STAT5A: variants seen among roughly 807,000 people sequenced by gnomAD.
The protein encoded by STAT5A is signal transducer and activator of transcription 5A.
In STAT5A, 26 loss-of-function variants were observed where a neutral mutation model predicts 100.2. That is an observed-to-expected ratio of 0.26 (90% CI 0.19 to 0.36). The LOEUF (loss-of-function observed/expected upper bound fraction) is 0.36. Ranked by LOEUF, STAT5A falls within the 10% of genes least tolerant of loss-of-function variation. The probability of loss-of-function intolerance (pLI) is 1.00; values close to 1 mark genes in which losing one functional copy is unlikely to be tolerated. For synonymous variants in STAT5A, 330 were observed against 424.3 expected (o/e 0.78, Z 2.73); for missense variants, 634 against 1,027.5 (o/e 0.62, Z 5.24).
chr17:42,294,110 G>A (rs918285342), intron 4 of STAT5A, among the ~76,000 whole-genome samples: 6 of 152,086 alleles, frequency 3.9e-5, no homozygotes, highest in Non-Finnish European at 8.8e-5. Context: ...TAGCTACTCG[G>A]GCGGCTGAGG....
At chr17:42,298,066 T>G (rs902717912) in intron 5 of STAT5A, among the ~76,000 whole-genome samples, 3 of 151,706 alleles carry the variant, frequency 2.0e-5, no homozygotes, top group African/African-American at 4.9e-5. Context: ...CCTGCGGTGG[T>G]GGTTGTAACT....
intron 9 of STAT5A, among the ~76,000 whole-genome samples, chr17:42,301,992 C>T (rs1451564305): frequency 3.3e-5 from 5 of 152,174 alleles, no homozygotes; most frequent in African/African-American, 1.2e-4. Context: ...GGGAGACCCT[C>T]ATCGCTACAA....
intron 9 of STAT5A, among the ~76,000 whole-genome samples, chr17:42,302,319 G>T (rs2080988330): frequency 6.6e-6 from 1 of 152,226 alleles, no homozygotes; most frequent in African/African-American, 2.4e-5. Context: ...AATGCCTGAT[G>T]GTGTAGCCAT....
At position 42,304,343 on chromosome 17, in the gene STAT5A, G is replaced by A. The variant is rs763602853; in HGVS notation, c.1171G>A (p.Glu391Lys). Residue 391 changes from glutamate (E) to lysine (K), a missense_variant and splice_region_variant, in exon 10 of 19, where the codon GAG becomes AAG. By Grantham distance (56) the Glu-to-Lys change is moderately conservative. Coordinates refer to ENST00000590949, the MANE Select transcript of STAT5A (RefSeq NM_001288718.2). The surrounding 1 kb of genome is among the most constrained non-coding windows in gnomAD (Gnocchi z 4.8). The stretch of plus-strand genomic sequence containing the variant: ...CTGGGACCCCCCTCTCCTTTGCAGC[G>A]AGTGCAGTGGTGAGATCCTGAACAA... ...SLLKNENTRN[E>K]CSGEILNNCC... 5.0e-6 allele frequency: 8 copies of A among 1,614,044 alleles called. No homozygotes were observed. The East Asian group carries it at 6.7e-5, about 13-fold the overall frequency.
Position 42,308,958 on chromosome 17 carries a change from C to T in STAT5A, c.2063-89C>T, listed in dbSNP as rs1032190538. 7.2e-6 allele frequency: 11 copies of T among 1,524,410 alleles called. No individual in the cohort carries two copies. Among genetic ancestry groups the T allele is most frequent in the Non-Finnish European group, 1.0e-5 (11 of 1,100,472 alleles). 94.4% of individuals were successfully genotyped at this position (1,524,410 alleles called of 1,614,324 possible). On this transcript the variant is annotated intron_variant, in intron 16 of 18. Coordinates refer to ENST00000590949, the MANE Select transcript of STAT5A (RefSeq NM_001288718.2). This position sits in a 1 kb window ranked among gnomAD's most constrained non-coding sequence, Gnocchi z 4.6. ...AGCTGAGAACACAAGGTGATGTGAG[C>T]AGGAGGGAGACTACATGGGGCGTGG...
chr17:42,306,807 C>T (rs1019590335), intron 13 of STAT5A, among the ~76,000 whole-genome samples: 6 of 152,034 alleles, frequency 3.9e-5, no homozygotes, highest in African/African-American at 1.4e-4. Context: ...GTAACCTCTG[C>T]CTCCCGGGTT....
intron 3 of STAT5A, 146 bp downstream of exon 3, chr17:42,290,168 C>T: frequency 8.4e-7 from 1 of 1,191,672 alleles, no homozygotes. Flanking sequence ...CCCCCACCCC[C>T]TCTTTCTAAA....
At position 42,306,285 on chromosome 17, in the gene STAT5A, G is replaced by A. The variant is rs1361666129; in HGVS notation, c.1518G>A (p.Gln506=). ...TGCCTGACAAAGTGCTGTGGCCGCA[G>A]CTGTGTGAGGCGCTCAACATGAAAT... ...FAVPDKVLWP[Q]LCEALNMKFK... The change falls in exon 13 of 19, where the codon CAG becomes CAA. Residue 506 remains glutamine, a synonymous_variant. Transcript: ENST00000590949. 5.6e-6 allele frequency: 9 copies of A among 1,613,942 alleles called. No homozygotes were observed. Among genetic ancestry groups the A allele is most frequent in the African/African-American group, 1.3e-5 (1 of 74,906 alleles).
At chr17:42,300,667 G>A (rs1366463365) in intron 7 of STAT5A, 48 bp from the exon 8 acceptor site, 13 of 1,613,722 alleles carry the variant, frequency 8.1e-6, no homozygotes, top group Non-Finnish European at 1.1e-5. Flanking sequence ...CCTGGCGTCT[G>A]TGAGGAGAAG....
chr17:42,298,257 T>A (rs1441861020), intron 5 of STAT5A, among the ~76,000 whole-genome samples: 1 of 150,970 alleles, frequency 6.6e-6, no homozygotes, highest in African/African-American at 2.4e-5. Flanking sequence ...TAACCCCGGG[T>A]TCAAGCAATT....
Position 42,310,528 on chromosome 17 carries a change from G to A in STAT5A, c.2244G>A (p.Gln748=), listed in dbSNP as rs1288483898. The A allele has an allele frequency of 3.7e-6, 6 of 1,614,102 alleles. No homozygotes were observed. In the South Asian group the frequency reaches 5.5e-5, roughly 15 times the overall value. ...CCAGCCCTGACCATGTACTCGATCA[G>A]GATGGAGAATTCGACCTGGATGAGA... The part of the protein sequence containing the change: ...YPQNPDHVLD[Q]DGEFDLDETM... Residue 748 remains glutamine (Q), a synonymous_variant, in exon 19 of 19, where the codon CAG becomes CAA. Transcript: ENST00000590949.
intron 3 of STAT5A, among the ~76,000 whole-genome samples, chr17:42,291,148 T>G (rs1255911646): frequency 6.6e-6 from 1 of 152,244 alleles, no homozygotes; most frequent in African/African-American, 2.4e-5. Flanking sequence ...TCTTAAGAAG[T>G]GCATAACCTA....
intron 13 of STAT5A, among the ~76,000 whole-genome samples, chr17:42,307,000 G>A (rs1321075445): frequency 3.3e-5 from 5 of 152,050 alleles, no homozygotes; most frequent in African/African-American, 9.7e-5. Flanking sequence ...GATTACAGGC[G>A]TGAGCCACCA....
In STAT5A at chr17:42,288,705, G is replaced by C. The variant is rs1488927806; in HGVS notation, c.-11+107G>C. The C allele has an allele frequency of 6.6e-6, 1 of 152,336 alleles. No individual in the cohort carries two copies. Among genetic ancestry groups the C allele is most frequent in the Non-Finnish European group, 1.5e-5 (1 of 68,128 alleles). The allele number at this position is 152,336 out of a possible 1,614,324, so 9.4% of individuals were successfully genotyped here. The stretch of plus-strand genomic sequence containing the variant: ...GCTCGACGGCCGGGCGCAGCGCGGG[G>C]ATCAGTCCCCGGCACTGCGAGGGAG... On this transcript the variant is annotated intron_variant, in intron 1 of 18. Transcript: ENST00000590949. The surrounding 1 kb of genome is among the most constrained non-coding windows in gnomAD (Gnocchi z 4.8).
At chr17:42,295,860 A>G (rs2080914001) in intron 5 of STAT5A, 67 bp downstream of exon 5, 1 of 1,577,042 alleles carries the variant, frequency 6.3e-7, no homozygotes, top group Admixed American at 1.8e-5. Context: ...GGACTCCTAG[A>G]GGGTAGAGCT....
At chr17:42,306,042 C>A in intron 12 of STAT5A, 199 bp from the exon 13 acceptor site, 1 of 883,162 alleles carries the variant, frequency 1.1e-6, no homozygotes, top group Non-Finnish European at 1.7e-6. Flanking sequence ...CCCCCTGCAT[C>A]GGTTTTCTTC....
chr17:42,298,243 C>G (rs566410541), intron 5 of STAT5A, among the ~76,000 whole-genome samples: 1 of 151,426 alleles, frequency 6.6e-6, no homozygotes, highest in South Asian at 2.1e-4. Flanking sequence ...CTCACTGCAA[C>G]CTTTAACCCC....
At chr17:42,300,092 G>C (rs1203233962) in intron 6 of STAT5A, 38 bp from the exon 7 acceptor site, 1 of 1,257,578 alleles carries the variant, frequency 8.0e-7, no homozygotes, top group Non-Finnish European at 1.1e-6. Flanking sequence ...GGTGTTCTCT[G>C]GGAGCCCAGA....
chr17:42,310,777 C>G lies in STAT5A; in HGVS notation c.*108C>G, dbSNP rs2081073387. 11 of 1,503,212 alleles carry G rather than the reference C, an allele frequency of 7.3e-6. No individual in the cohort carries two copies. Among genetic ancestry groups the G allele is most frequent in the Non-Finnish European group, 9.8e-6 (11 of 1,121,246 alleles). The allele number at this position is 1,503,212 out of a possible 1,614,324, so 93.1% of individuals were successfully genotyped here. A position where few individuals can be genotyped will look rare whatever the true frequency, so the allele number is the denominator to read the frequency against. ...TGACACCTTTGCAGGCATGCATGTG[C>G]TTGTGTGTGTGTGTGTGTGTGTGTC... is the stretch of plus-strand genomic sequence containing the variant. On this transcript the variant is annotated 3_prime_UTR_variant, in exon 19 of 19. Coordinates refer to ENST00000590949, the MANE Select transcript of STAT5A (RefSeq NM_001288718.2).
Sources: allele counts gnomAD v4.1 joint callset (sites outside exome capture counted in the v4.1 genomes callset), GRCh38; gene constraint gnomAD v4.1.1; non-coding constraint Gnocchi (gnomAD v3.1); transcripts MANE v1.5; gene names NCBI Gene and HGNC (gene_info 2026-07-23, HGNC 2026-07-21).